ERC1: variants seen among roughly 807,000 people sequenced by gnomAD.
The protein encoded by ERC1 is RAB6 interacting protein 2.
ERC1 carries 56 observed loss-of-function variants against 132.0 expected under a neutral mutation model. The observed-to-expected ratio is 0.42, with a 90% CI of 0.34 to 0.53. The LOEUF is 0.53. ERC1 is among the 20% of genes least tolerant of loss of function. The pLI, the probability that ERC1 is intolerant of heterozygous loss-of-function variation, is 0.03. For synonymous variants in ERC1, 478 were observed against 476.1 expected (o/e 1.00, Z -0.05); for missense variants, 1,202 against 1,349.9 (o/e 0.89, Z 1.72).
chr12:1,424,850 A>ATAGATAGATAGCTAGCTAGC (rs1565411242), intron 17 of ERC1, among the ~76,000 whole-genome samples: 7 of 122,470 alleles, frequency 5.7e-5, no homozygotes, highest in African/African-American at 2.4e-4. Flanking sequence ...TAGATGATAG[A>ATAGATAGATAGCTAGCTAGC]TAGATAGATA....
chr12:1,309,107 G>C (rs963745405), intron 15 of ERC1, among the ~76,000 whole-genome samples: 2 of 150,422 alleles, frequency 1.3e-5, no homozygotes, highest in African/African-American at 5.0e-5. Context: ...CTCTGGAACT[G>C]TGAGAAGTAA....
chr12:1,468,016 C>T (rs1212328264), intron 18 of ERC1, among the ~76,000 whole-genome samples: 1 of 152,184 alleles, frequency 6.6e-6, no homozygotes, highest in Non-Finnish European at 1.5e-5. Context: ...CTGTGTGGCC[C>T]AGTTCCTAAC....
At chr12:1,407,730 C>G (rs2091593237) in intron 16 of ERC1, among the ~76,000 whole-genome samples, 1 of 152,142 alleles carries the variant, frequency 6.6e-6, no homozygotes, top group African/African-American at 2.4e-5. Context: ...GATTCAGTTC[C>G]TAGTGAAGGT....
intron 15 of ERC1, among the ~76,000 whole-genome samples, chr12:1,314,385 A>G (rs1329279878): frequency 1.3e-5 from 2 of 152,224 alleles, no homozygotes. Flanking sequence ...CTTTCTAAAA[A>G]TGTAACATAG....
chr12:1,190,737 C>T (rs1955637770), intron 12 of ERC1, among the ~76,000 whole-genome samples: 1 of 152,040 alleles, frequency 6.6e-6, no homozygotes, highest in South Asian at 2.1e-4. Context: ...TTCTTTTACA[C>T]CACATATTTA....
rs530135616 is a variant in ERC1 at position 1,154,569 on chromosome 12, G to A, written c.1737+12782G>A. 7.9e-5 allele frequency among the ~76,000 whole-genome samples: 12 copies of A among 151,918 alleles called. No individual in the cohort carries two copies. In the South Asian group the frequency reaches 2.5e-3, roughly 32 times the overall value. On this transcript the variant is annotated intron_variant, in intron 8 of 18. Transcript: ENST00000360905. ...AAAAATGAATAAATGGGACTTAATG[G>A]ACTTAATTAAACTAAAAAGCTTCTG... is the stretch of plus-strand genomic sequence containing the variant.
Position 1,027,779 on chromosome 12 carries a change from C to A in ERC1, c.-125C>A. Reference sequence around the variant, plus strand: ...TGTAAGATACTTCTTCAAGATTGGACAGCTGGGGACCTTCTTCTGATTAAC... The same window carrying A: ...TGTAAGATACTTCTTCAAGATTGGAAAGCTGGGGACCTTCTTCTGATTAAC... On this transcript the variant is annotated 5_prime_UTR_variant, in exon 2 of 19. Coordinates refer to ENST00000360905, the MANE Select transcript of ERC1 (RefSeq NM_178040.4). 1 of 720,724 alleles carries A rather than the reference C, an allele frequency of 1.4e-6. No homozygotes were observed. 44.6% of individuals were successfully genotyped at this position (720,724 alleles called of 1,614,324 possible).
rs2154435080 is a variant in ERC1 at position 1,490,572 on chromosome 12, T to C, written c.*342T>C. On this transcript the variant is annotated 3_prime_UTR_variant, in exon 19 of 19. Coordinates refer to ENST00000360905, the MANE Select transcript of ERC1 (RefSeq NM_178040.4). ...TGGAGCAGAGGAGCCTCTCACCTCCTGTCCTCTGACATGAGAATGAAACCA... is the reference window on the plus strand; with the variant it reads ...TGGAGCAGAGGAGCCTCTCACCTCCCGTCCTCTGACATGAGAATGAAACCA... 1 of 293,936 alleles carries C rather than the reference T, an allele frequency of 3.4e-6. No individual in the cohort carries two copies. Among genetic ancestry groups the C allele is most frequent in the African/African-American group, 2.1e-5 (1 of 48,722 alleles). 18.2% of individuals were successfully genotyped at this position (293,936 alleles called of 1,614,324 possible).
intron 7 of ERC1, among the ~76,000 whole-genome samples, chr12:1,121,683 C>CTCTA (rs1566012137): frequency 5.4e-5 from 3 of 55,882 alleles, no homozygotes; most frequent in Admixed American, 1.9e-4. Flanking sequence ...CTCTATCTAT[C>CTCTA]TCTATCTCTA....
intron 7 of ERC1, among the ~76,000 whole-genome samples, chr12:1,117,086 A>G (rs920942018): frequency 1.3e-5 from 2 of 152,234 alleles, no homozygotes; most frequent in African/African-American, 4.8e-5. Context: ...CTTAATATAA[A>G]TATTTTTTAA....
At chr12:1,482,903 C>T (rs917829741) in intron 18 of ERC1, among the ~76,000 whole-genome samples, 1 of 152,182 alleles carries the variant, frequency 6.6e-6, no homozygotes, top group Non-Finnish European at 1.5e-5. Flanking sequence ...AAGCCCCCAC[C>T]TATTAGCAGT....
intron 8 of ERC1, among the ~76,000 whole-genome samples, chr12:1,160,708 CAA>C (rs539882749): frequency 5.4e-5 from 8 of 147,136 alleles, no homozygotes; most frequent in Admixed American, 2.0e-4. Flanking sequence ...AAGACTCTGC[CAA>C]AAAAAAAATC....
chr12:1,266,391 C>CTTTTTTTTTTTTTTT (rs71293128), intron 14 of ERC1, among the ~76,000 whole-genome samples: 3 of 43,018 alleles, frequency 7.0e-5, no homozygotes, highest in African/African-American at 1.1e-4. Flanking sequence ...CGTTTCCTGT[C>CTTTTTTTTTTTTTTT]TTTTTTTTTT....
At chr12:1,081,446 A>G (rs138158714) in intron 2 of ERC1, among the ~76,000 whole-genome samples, 145 of 152,320 alleles carry the variant, frequency 9.5e-4, no homozygotes, top group African/African-American at 3.0e-3. Flanking sequence ...GATTTCTGCA[A>G]TCTGCTCTGT....
intron 18 of ERC1, among the ~76,000 whole-genome samples, chr12:1,480,311 T>TTGTTTTTAGATACAA (rs1207217985): frequency 6.6e-6 from 1 of 152,206 alleles, no homozygotes; most frequent in Non-Finnish European, 1.5e-5. Flanking sequence ...TTGTTATTGT[T>TTGTTTTTAGATACAA]TGTTTTTAGA....
At chr12:1,315,741 G>A (rs1352444733) in intron 15 of ERC1, among the ~76,000 whole-genome samples, 1 of 152,160 alleles carries the variant, frequency 6.6e-6, no homozygotes, top group East Asian at 1.9e-4. Context: ...GAGAGAGAGA[G>A]CGAGAGAGAG....
chr12:1,247,396 A>T (rs1273412601), intron 13 of ERC1, among the ~76,000 whole-genome samples: 6 of 152,228 alleles, frequency 3.9e-5, no homozygotes, highest in Non-Finnish European at 7.3e-5. Context: ...AACCATAAAC[A>T]TTACAGGAGC....
At chr12:1,092,016 T>TTTG (rs56844680) in intron 3 of ERC1, among the ~76,000 whole-genome samples, 1 of 137,068 alleles carries the variant, frequency 7.3e-6, no homozygotes, top group Non-Finnish European at 1.6e-5. Flanking sequence ...TTTTTTTTTT[T>TTTG]GAGACGGAGT....
chr12:1,198,102 T>C (rs1196793659), intron 12 of ERC1, among the ~76,000 whole-genome samples: 1 of 151,864 alleles, frequency 6.6e-6, no homozygotes, highest in East Asian at 1.9e-4. Context: ...ATTTTTGTAT[T>C]TTTTTTGTAG....
Sources: allele counts gnomAD v4.1 joint callset (sites outside exome capture counted in the v4.1 genomes callset), GRCh38; gene constraint gnomAD v4.1.1; transcripts MANE v1.5; gene names NCBI Gene and HGNC (gene_info 2026-07-23, HGNC 2026-07-21).